SPOCK1: variants seen among roughly 807,000 people sequenced by gnomAD.
The protein encoded by SPOCK1 is testican-1.
Under a neutral mutation model 55.3 loss-of-function variants are expected in SPOCK1, and 23 were observed. The observed-to-expected ratio is 0.42, with a 90% CI of 0.30 to 0.59. The LOEUF is 0.59. SPOCK1 is among the 20% of genes least tolerant of loss of function. The pLI is 0.22. For missense variants in SPOCK1, 499 were observed against 552.5 expected, an observed-to-expected ratio of 0.90 and a Z score of 0.97; for synonymous variants, 226 against 221.0, an observed-to-expected ratio of 1.02 and a Z score of -0.20.
chr5:137,006,064 A>G (rs1289186905), intron 6 of SPOCK1, among the ~76,000 whole-genome samples: 1 of 152,154 alleles, frequency 6.6e-6, no homozygotes, highest in African/African-American at 2.4e-5. Context: ...ATTGGTCTAC[A>G]TGTCTGTTCT....
At chr5:137,225,988 C>T (rs938545891) in intron 3 of SPOCK1, among the ~76,000 whole-genome samples, 3 of 152,224 alleles carry the variant, frequency 2.0e-5, no homozygotes, top group Non-Finnish European at 4.4e-5. Flanking sequence ...CCTCACCAGG[C>T]TCCTGGATCT....
chr5:137,007,594 A>G (rs547771643), intron 6 of SPOCK1, among the ~76,000 whole-genome samples: 1 of 152,358 alleles, frequency 6.6e-6, no homozygotes, highest in East Asian at 1.9e-4. Flanking sequence ...ATGAGATACC[A>G]TCTCAGGCCA....
At chr5:137,042,686 T>TGGTGG (rs1752022614) in intron 6 of SPOCK1, among the ~76,000 whole-genome samples, 3 of 152,108 alleles carry the variant, frequency 2.0e-5, no homozygotes, top group Admixed American at 6.6e-5. Flanking sequence ...AGTAAATGGA[T>TGGTGG]AGTGGATGGT....
intron 3 of SPOCK1, among the ~76,000 whole-genome samples, chr5:137,151,048 A>C (rs1754309518): frequency 6.6e-6 from 1 of 152,220 alleles, no homozygotes; most frequent in African/African-American, 2.4e-5. Context: ...CTTGCTTCTC[A>C]GACTATATGG....
chr5:137,241,229 G>A (rs1379135681), intron 3 of SPOCK1, among the ~76,000 whole-genome samples: 20 of 152,136 alleles, frequency 1.3e-4, no homozygotes, highest in Admixed American at 1.2e-3. Context: ...CATAAAATTC[G>A]AGGTTAATAA....
chr5:137,186,006 C>T (rs1274589345), intron 3 of SPOCK1, among the ~76,000 whole-genome samples: 2 of 152,156 alleles, frequency 1.3e-5, no homozygotes, highest in African/African-American at 4.8e-5. Context: ...CCCTTTGAGA[C>T]CAAATTTATC....
chr5:137,394,788 T>G (rs1387590038), intron 2 of SPOCK1, among the ~76,000 whole-genome samples: 1 of 152,214 alleles, frequency 6.6e-6, no homozygotes, highest in Admixed American at 6.5e-5. Context: ...GGTTTTAAGA[T>G]AGTCTCCAGA....
chr5:137,428,841 C>G (rs1752687252), intron 2 of SPOCK1, among the ~76,000 whole-genome samples: 1 of 152,204 alleles, frequency 6.6e-6, no homozygotes, highest in Non-Finnish European at 1.5e-5. Flanking sequence ...GAGTTTCTCT[C>G]AAGCCCTTCA....
intron 2 of SPOCK1, among the ~76,000 whole-genome samples, chr5:137,308,507 C>T (rs1231685169): frequency 6.6e-6 from 1 of 152,224 alleles, no homozygotes; most frequent in Non-Finnish European, 1.5e-5. Flanking sequence ...GAGAGCAGTG[C>T]CATGCATCTC....
chr5:137,477,226 T>G (rs1285903970), intron 2 of SPOCK1, among the ~76,000 whole-genome samples: 1 of 152,226 alleles, frequency 6.6e-6, no homozygotes, highest in Non-Finnish European at 1.5e-5. Context: ...AGCTCATGAT[T>G]TCATTTAAAA....
intron 3 of SPOCK1, among the ~76,000 whole-genome samples, chr5:137,182,321 C>A (rs781341673): frequency 1.1e-4 from 17 of 152,206 alleles, no homozygotes; most frequent in Non-Finnish European, 2.4e-4. Context: ...GCAGTGCCCT[C>A]CATCTGAAAC....
At chr5:137,292,426 T>TAAAAAAAAA (rs753574851) in intron 2 of SPOCK1, among the ~76,000 whole-genome samples, 1 of 38,006 alleles carries the variant, frequency 2.6e-5, no homozygotes, top group Non-Finnish European at 4.8e-5. Context: ...CTGGTGTAGT[T>TAAAAAAAAA]AAAAAAAAAA....
At chr5:137,490,468 G>C (rs1488940933) in intron 2 of SPOCK1, among the ~76,000 whole-genome samples, 3 of 152,146 alleles carry the variant, frequency 2.0e-5, no homozygotes, top group Non-Finnish European at 2.9e-5. Context: ...AGCGTGCTGA[G>C]AACGCCGCAG....
intron 2 of SPOCK1, among the ~76,000 whole-genome samples, chr5:137,407,717 C>A (rs116097411): frequency 2.6e-5 from 4 of 152,280 alleles, no homozygotes; most frequent in South Asian, 2.1e-4. Context: ...CATTCTCCCC[C>A]CAACACAAAA....
In SPOCK1 at chr5:137,494,969, T is replaced by C. The variant is rs1754269013; in HGVS notation, c.186+3404A>G. On this transcript the variant is annotated intron_variant, in intron 2 of 10. Coordinates refer to ENST00000394945, the MANE Select transcript of SPOCK1 (RefSeq NM_004598.4). ...ATGCATGTCAGCTAAAGATGGAAAA[T>C]TATTGAACAACTTAATACAAAGATC... Among the ~76,000 whole-genome samples, 4 of 152,158 alleles carry C rather than the reference T, an allele frequency of 2.6e-5. No individual in the cohort carries two copies. In the South Asian group the frequency reaches 6.2e-4, roughly 24 times the overall value.
At chr5:137,477,417 G>C (rs901001063) in intron 2 of SPOCK1, among the ~76,000 whole-genome samples, 1 of 152,046 alleles carries the variant, frequency 6.6e-6, no homozygotes, top group Non-Finnish European at 1.5e-5. Context: ...CTGGGAAGGC[G>C]GTTGCAGAGA....
intron 9 of SPOCK1, among the ~76,000 whole-genome samples, chr5:136,984,833 T>C (rs1750807942): frequency 6.6e-6 from 1 of 152,228 alleles, no homozygotes; most frequent in African/African-American, 2.4e-5. Context: ...CACCATTCAA[T>C]GATCTTACTT....
At chr5:137,098,201 G>T (rs529066508) in intron 5 of SPOCK1, among the ~76,000 whole-genome samples, 2 of 59,450 alleles carry the variant, frequency 3.4e-5, no homozygotes, top group Admixed American at 3.0e-4. Flanking sequence ...AAGGAAACTG[G>T]AGAGCATAGG....
intron 4 of SPOCK1, among the ~76,000 whole-genome samples, chr5:137,133,174 C>T (rs775543722): frequency 4.6e-5 from 7 of 152,032 alleles, no homozygotes; most frequent in Non-Finnish European, 7.4e-5. Flanking sequence ...TACAGACCAT[C>T]CTGGCTAACA....
Sources: allele counts gnomAD v4.1 joint callset (sites outside exome capture counted in the v4.1 genomes callset), GRCh38; gene constraint gnomAD v4.1.1; transcripts MANE v1.5; gene names NCBI Gene and HGNC (gene_info 2026-07-23, HGNC 2026-07-21).